GPM6A: variants seen among roughly 807,000 people sequenced by gnomAD.
GPM6A encodes neuronal membrane glycoprotein M6-a.
A neutral mutation model predicts 32.1 loss-of-function variants in GPM6A; 7 were observed. The ratio of observed to expected loss-of-function variants is 0.22; its 90% CI spans 0.12 to 0.41. The LOEUF is 0.41. GPM6A is among the 10% of genes least tolerant of loss of function. GPM6A has a pLI of 1.00. For missense variants in GPM6A, 235 were observed against 347.2 expected (o/e 0.68, Z 2.57); for synonymous variants, 130 against 123.4 (o/e 1.05, Z -0.35).
At chr4:175,864,002 GA>G (rs949809549) in intron 1 of GPM6A, among the ~76,000 whole-genome samples, 83 of 147,792 alleles carry the variant, frequency 5.6e-4, no homozygotes, top group African/African-American at 2.0e-3. Flanking sequence ...CCCTGTCTCC[GA>G]AAAAAAAAGA....
chr4:175,954,769 A>T (rs944635164), intron 1 of GPM6A, among the ~76,000 whole-genome samples: 1 of 152,172 alleles, frequency 6.6e-6, no homozygotes, highest in African/African-American at 2.4e-5. Flanking sequence ...CTTAAACATG[A>T]TTTGGACTTG....
intron 1 of GPM6A, among the ~76,000 whole-genome samples, chr4:175,989,494 T>G (rs1043230196): frequency 2.0e-5 from 3 of 152,062 alleles, no homozygotes; most frequent in African/African-American, 7.2e-5. Flanking sequence ...TCATCTCAAT[T>G]AAGTCATACA....
intron 1 of GPM6A, among the ~76,000 whole-genome samples, chr4:175,731,393 T>G (rs1283538988): frequency 6.6e-6 from 1 of 152,126 alleles, no homozygotes; most frequent in Non-Finnish European, 1.5e-5. Context: ...CAACAATTAC[T>G]TCCTGAGACA....
intron 1 of GPM6A, among the ~76,000 whole-genome samples, chr4:175,840,158 C>T (rs1351364423): frequency 6.6e-6 from 1 of 152,148 alleles, no homozygotes; most frequent in Middle Eastern, 3.2e-3. Flanking sequence ...AAGAGTTTCT[C>T]ATAATTAGCG....
At chr4:175,955,962 C>G (rs1429269016) in intron 1 of GPM6A, among the ~76,000 whole-genome samples, 2 of 152,122 alleles carry the variant, frequency 1.3e-5, no homozygotes, top group African/African-American at 2.4e-5. Context: ...ATAGTTACAC[C>G]TTGAAAATAG....
chr4:175,962,148 A>G (rs1488507325), intron 1 of GPM6A: 8 of 834,688 alleles, frequency 9.6e-6, no homozygotes, highest in Non-Finnish European at 1.3e-5. Context: ...GTTACAGGAC[A>G]TCAAGCATCA....
At chr4:175,697,562 C>T (rs1305865445) in intron 2 of GPM6A, among the ~76,000 whole-genome samples, 3 of 152,068 alleles carry the variant, frequency 2.0e-5, no homozygotes, top group Middle Eastern at 3.2e-3. Context: ...CTTATCAAAA[C>T]AGTTTGGAAC....
intron 1 of GPM6A, among the ~76,000 whole-genome samples, chr4:175,989,550 A>C (rs961982380): frequency 6.6e-6 from 1 of 152,124 alleles, no homozygotes; most frequent in African/African-American, 2.4e-5. Context: ...AATAATGCTA[A>C]ATCATGTGAT....
chr4:175,747,288 A>G lies in GPM6A; in HGVS notation c.38-45521T>C, dbSNP rs1579454349. On this transcript the variant is annotated intron_variant, in intron 1 of 6. Coordinates refer to ENST00000393658, the MANE Select transcript of GPM6A (RefSeq NM_201591.3). ...CATCTCCAAAAAAAAAAAAAAAAAA[A>G]AAAGAAGGAACCCTAAGACATAGTA... is the stretch of plus-strand genomic sequence containing the variant. Among the ~76,000 whole-genome samples the G allele has an allele frequency of 5.9e-5, 9 of 151,696 alleles. No individual in the cohort carries two copies. The South Asian group carries it at 1.9e-3, about 32-fold the overall frequency.
chr4:175,674,562 T>G (rs1743256418), intron 2 of GPM6A, among the ~76,000 whole-genome samples: 1 of 152,208 alleles, frequency 6.6e-6, no homozygotes. Flanking sequence ...GTAACACTGG[T>G]TTTTAAAACT....
chr4:175,758,476 A>T (rs1245964310), intron 1 of GPM6A, among the ~76,000 whole-genome samples: 2 of 152,148 alleles, frequency 1.3e-5, no homozygotes, highest in Non-Finnish European at 2.9e-5. Flanking sequence ...CAAGCATATG[A>T]TTATGTATGT....
At position 175,651,814 on chromosome 4, in the gene GPM6A, G is replaced by A. The variant is rs866184504; in HGVS notation, c.541+20C>T. On this transcript the variant is annotated intron_variant, in intron 4 of 6. Transcript: ENST00000393658. ...ATATGGGATGGTGTTTTACAGTTTA[G>A]AGATCCAATATCCACTTACCAAACT... The A allele has an allele frequency of 6.2e-7, 1 of 1,600,182 alleles. No individual in the cohort carries two copies.
At chr4:175,724,548 A>G (rs1207795682) in intron 1 of GPM6A, among the ~76,000 whole-genome samples, 2 of 152,138 alleles carry the variant, frequency 1.3e-5, no homozygotes, top group Non-Finnish European at 1.5e-5. Flanking sequence ...CCATCTCAAA[A>G]AAAAAATTTT....
chr4:175,908,013 A>G (rs1481278723), intron 1 of GPM6A, among the ~76,000 whole-genome samples: 1 of 152,186 alleles, frequency 6.6e-6, no homozygotes, highest in African/African-American at 2.4e-5. Flanking sequence ...TAGGGTTAAC[A>G]GGAAGCAGGG....
chr4:175,655,456 C>T (rs1055482431), intron 3 of GPM6A, among the ~76,000 whole-genome samples: 2 of 151,770 alleles, frequency 1.3e-5, no homozygotes, highest in African/African-American at 2.4e-5. Flanking sequence ...TAAAATATTG[C>T]ATAATTATAA....
chr4:175,949,572 A>G (rs185312700), intron 1 of GPM6A, among the ~76,000 whole-genome samples: 2 of 152,296 alleles, frequency 1.3e-5, no homozygotes, highest in Admixed American at 1.3e-4. Context: ...TTTTTTATCT[A>G]AGAAACTAAA....
Position 175,673,671 on chromosome 4 carries a change from C to A in GPM6A, c.387+9G>T. The A allele has an allele frequency of 1.3e-6, 2 of 1,596,138 alleles. No homozygotes were observed. Among genetic ancestry groups the A allele is most frequent in the African/African-American group, 2.7e-5 (2 of 74,724 alleles). Reference sequence around the variant, plus strand: ...CACATTAAATACTGAATGTAGAGAACTAACATACCCAAGCGCTCACACATC... The same window carrying A: ...CACATTAAATACTGAATGTAGAGAAATAACATACCCAAGCGCTCACACATC... On this transcript the variant is annotated intron_variant, in intron 3 of 6. Coordinates refer to ENST00000393658, the MANE Select transcript of GPM6A (RefSeq NM_201591.3).
intron 1 of GPM6A, among the ~76,000 whole-genome samples, chr4:175,985,812 AT>A (rs199787940): frequency 1.3e-4 from 20 of 151,320 alleles, no homozygotes; most frequent in African/African-American, 4.8e-5. Context: ...TTTATTTATA[AT>A]TTTTTTTTCT....
intron 1 of GPM6A, among the ~76,000 whole-genome samples, chr4:175,712,730 A>C (rs1745623301): frequency 6.6e-6 from 1 of 152,228 alleles, no homozygotes; most frequent in African/African-American, 2.4e-5. Context: ...CTATGCTAGC[A>C]GCATGGGCAC....
Sources: allele counts gnomAD v4.1 joint callset (sites outside exome capture counted in the v4.1 genomes callset), GRCh38; gene constraint gnomAD v4.1.1; transcripts MANE v1.5; gene names NCBI Gene and HGNC (gene_info 2026-07-23, HGNC 2026-07-21).